Variants in SLC22A3 observed in about 807,000 individuals in gnomAD.
SLC22A3 encodes the protein solute carrier family 22 member 3, also known as EMT organic cation transporter 3.
SLC22A3 carries 51 observed loss-of-function variants against 59.1 expected under a neutral mutation model. The ratio of observed to expected loss-of-function variants is 0.86; its 90% CI spans 0.69 to 1.09. SLC22A3 has a LOEUF of 1.09. Among genes scored for constraint, SLC22A3 ranks in the 50% least tolerant of loss-of-function variants. The pLI is 0.00. For synonymous variants in SLC22A3, 325 were observed against 292.0 expected (o/e 1.11, Z -1.15); for missense variants, 711 against 726.3 (o/e 0.98, Z 0.24).
intron 2 of SLC22A3, among the ~76,000 whole-genome samples, chr6:160,402,445 C>T (rs1786821001): frequency 6.6e-6 from 1 of 151,834 alleles, no homozygotes; most frequent in Admixed American, 6.6e-5. Context: ...TCACTGGAGA[C>T]TTCAACATCC....
chr6:160,407,265 C>G (rs1241077366), intron 3 of SLC22A3, 70 bp downstream of exon 3: 1 of 1,463,866 alleles, frequency 6.8e-7, no homozygotes, highest in Admixed American at 2.1e-5. Flanking sequence ...GCTAGTTAAT[C>G]AACCTTCCTC....
chr6:160,394,445 T>C (rs1018793809), intron 1 of SLC22A3, among the ~76,000 whole-genome samples: 8 of 152,170 alleles, frequency 5.3e-5, no homozygotes, highest in African/African-American at 1.4e-4. Context: ...TGAGAGCTGA[T>C]TAGGAAGCGT....
intron 1 of SLC22A3, among the ~76,000 whole-genome samples, chr6:160,375,242 T>A (rs900990497): frequency 6.6e-6 from 1 of 152,184 alleles, no homozygotes; most frequent in Non-Finnish European, 1.5e-5. Context: ...CTTCCTGAAA[T>A]GCCCCACAGG....
intron 1 of SLC22A3, among the ~76,000 whole-genome samples, chr6:160,351,031 A>G (rs1784642170): frequency 6.6e-6 from 1 of 152,238 alleles, no homozygotes; most frequent in South Asian, 2.1e-4. Context: ...AAAGTCTTTA[A>G]GAAAGTAGAA....
At chr6:160,421,217 C>A (rs1227617182) in intron 5 of SLC22A3, among the ~76,000 whole-genome samples, 4 of 152,204 alleles carry the variant, frequency 2.6e-5, no homozygotes, top group African/African-American at 9.6e-5. Flanking sequence ...AGGGCCAGCC[C>A]ACGGAAAACA....
At chr6:160,423,102 A>G (rs1203440430) in intron 5 of SLC22A3, among the ~76,000 whole-genome samples, 1 of 152,062 alleles carries the variant, frequency 6.6e-6, no homozygotes, top group South Asian at 2.1e-4. Flanking sequence ...TGTTCTTGCA[A>G]TAGTTTGCTG....
chr6:160,382,849 T>C (rs1361038964), intron 1 of SLC22A3, among the ~76,000 whole-genome samples: 2 of 152,100 alleles, frequency 1.3e-5, no homozygotes, highest in African/African-American at 4.8e-5. Flanking sequence ...ACAGAGAAAT[T>C]ACATTATTAA....
chr6:160,433,866 G>A (rs1038988429), intron 5 of SLC22A3, among the ~76,000 whole-genome samples: 3 of 152,186 alleles, frequency 2.0e-5, no homozygotes, highest in Admixed American at 2.0e-4. Flanking sequence ...CTAGTGGATA[G>A]AAGTCATAGC....
chr6:160,387,513 G>T (rs773991792), intron 1 of SLC22A3, among the ~76,000 whole-genome samples: 7 of 152,180 alleles, frequency 4.6e-5, no homozygotes, highest in Admixed American at 6.5e-5. Context: ...TTTGCTACAG[G>T]ATTTGTCAGA....
intron 1 of SLC22A3, among the ~76,000 whole-genome samples, chr6:160,375,832 G>A (rs920985755): frequency 1.3e-5 from 2 of 152,076 alleles, no homozygotes; most frequent in East Asian, 1.9e-4. Flanking sequence ...GGCTGTTCTC[G>A]GGGTTGAGAG....
chr6:160,371,003 C>T (rs988675980), intron 1 of SLC22A3, among the ~76,000 whole-genome samples: 1 of 152,156 alleles, frequency 6.6e-6, no homozygotes, highest in Non-Finnish European at 1.5e-5. Flanking sequence ...TACCTCCTCT[C>T]CCTCCTCTGT....
At chr6:160,357,770 G>C (rs537029070) in intron 1 of SLC22A3, among the ~76,000 whole-genome samples, 183 of 152,248 alleles carry the variant, frequency 1.2e-3, no homozygotes, top group Non-Finnish European at 2.3e-3. Flanking sequence ...AACTAATTCA[G>C]ATTAATTTGG....
chr6:160,377,839 T>G lies in SLC22A3; in HGVS notation c.430-20140T>G, dbSNP rs1361582037. ...AAACGTAGGTTTGGCTCAAAGATTT[T>G]TGTTTCTTTGAATCAGTTCACTATT... On this transcript the variant is annotated intron_variant, in intron 1 of 10. Transcript: ENST00000275300. Among the ~76,000 whole-genome samples the G allele has an allele frequency of 2.6e-5, 4 of 152,374 alleles. No homozygotes were observed. The East Asian group carries it at 7.7e-4, about 29-fold the overall frequency.
At chr6:160,438,474 G>T (rs528154075) in intron 7 of SLC22A3, among the ~76,000 whole-genome samples, 47 of 152,286 alleles carry the variant, frequency 3.1e-4, no homozygotes, top group African/African-American at 9.9e-4. Flanking sequence ...AGTCAGAACA[G>T]TCAGACATTT....
intron 10 of SLC22A3, among the ~76,000 whole-genome samples, chr6:160,449,532 A>T (rs967876037): frequency 6.6e-6 from 1 of 152,222 alleles, no homozygotes; most frequent in Non-Finnish European, 1.5e-5. Context: ...CTTAGTGCTA[A>T]ATTACTAAAA....
intron 1 of SLC22A3, among the ~76,000 whole-genome samples, chr6:160,397,241 T>C (rs918603406): frequency 2.0e-5 from 3 of 151,976 alleles, no homozygotes; most frequent in African/African-American, 7.3e-5. Flanking sequence ...CGAGATTTCA[T>C]GCGCCGCCCA....
chr6:160,374,638 C>T (rs575249031), intron 1 of SLC22A3, among the ~76,000 whole-genome samples: 2 of 152,128 alleles, frequency 1.3e-5, no homozygotes, highest in Admixed American at 6.5e-5. Flanking sequence ...AATTACCCAG[C>T]GTGTGTGGAG....
At position 160,410,242 on chromosome 6, in the gene SLC22A3, C is replaced by G. The variant is rs554217646; in HGVS notation, c.858-487C>G. Among the ~76,000 whole-genome samples, 3 of 152,262 alleles carry G rather than the reference C, an allele frequency of 2.0e-5. No homozygotes were observed. The South Asian group carries it at 6.2e-4, about 32-fold the overall frequency. On this transcript the variant is annotated intron_variant, in intron 4 of 10. Transcript: ENST00000275300. Reference sequence around the variant, plus strand: ...ATGTTGGCCAAGCTGGTTGCAAACTCCTGACCTAAAATGATCCACCCACCT... The same window carrying G: ...ATGTTGGCCAAGCTGGTTGCAAACTGCTGACCTAAAATGATCCACCCACCT...
intron 1 of SLC22A3, among the ~76,000 whole-genome samples, chr6:160,353,818 T>C (rs1419819263): frequency 6.6e-6 from 1 of 152,076 alleles, no homozygotes; most frequent in Non-Finnish European, 1.5e-5. Flanking sequence ...GCTGGGTGTT[T>C]CTTAATGAGG....
Sources: gnomAD v4.1 joint callset for allele counts (sites outside exome capture counted in the v4.1 genomes callset) on GRCh38, gnomAD v4.1.1 for gene constraint, MANE v1.5 for transcripts, NCBI Gene and HGNC (gene_info 2026-07-23, HGNC 2026-07-21) for gene names.